The following PLEKHG4B variants were observed in gnomAD, a reference collection of about 807,000 sequenced individuals.
PLEKHG4B encodes pleckstrin homology domain-containing family G member 4B.
A neutral mutation model predicts 121.3 loss-of-function variants in PLEKHG4B; 111 were observed. The ratio of observed to expected loss-of-function variants is 0.92; its 90% CI spans 0.78 to 1.07. PLEKHG4B has a LOEUF of 1.07. PLEKHG4B is among the 50% of genes least tolerant of loss of function. The pLI, the probability that PLEKHG4B is intolerant of heterozygous loss-of-function variation, is 0.00. For missense variants in PLEKHG4B, 1,831 were observed against 1,757.8 expected (o/e 1.04, Z -0.74); for synonymous variants, 738 against 725.0 (o/e 1.02, Z -0.29).
intron 18 of PLEKHG4B, among the ~76,000 whole-genome samples, chr5:180,537 A>T (rs2126467078): frequency 6.6e-6 from 1 of 152,342 alleles, no homozygotes; most frequent in Middle Eastern, 3.4e-3. Flanking sequence ...TGAACGCCAC[A>T]TCTGCCCAGG....
intron 18 of PLEKHG4B, among the ~76,000 whole-genome samples, chr5:178,259 A>C (rs531307848): frequency 6.6e-6 from 1 of 152,342 alleles, no homozygotes; most frequent in East Asian, 1.9e-4. Flanking sequence ...ACTGGCTCCC[A>C]AGGTGCCACT....
chr5:101,949 T>C (rs1160913598), intron 1 of PLEKHG4B, among the ~76,000 whole-genome samples: 1 of 89,048 alleles, frequency 1.1e-5, no homozygotes, highest in Non-Finnish European at 2.1e-5. Flanking sequence ...GGGGAGAGAC[T>C]GTTGTGAGGT....
intron 1 of PLEKHG4B, among the ~76,000 whole-genome samples, chr5:99,791 TC>T (rs1473326285): frequency 2.0e-5 from 3 of 152,138 alleles, no homozygotes; most frequent in African/African-American, 7.2e-5. Flanking sequence ...AAAGCAGGCA[TC>T]CCTATTTTGT....
intron 1 of PLEKHG4B, among the ~76,000 whole-genome samples, chr5:100,451 C>T (rs71584266): frequency 3.0e-3 from 258 of 85,506 alleles, no homozygotes; most frequent in African/African-American, 6.3e-3. Context: ...CTGGAAAAAG[C>T]CTGTAGGGGA....
At chr5:162,603 G>A (rs1036812973) in intron 12 of PLEKHG4B, 119 bp from the exon 13 acceptor site, 27 of 726,766 alleles carry the variant, frequency 3.7e-5, no homozygotes, top group African/African-American at 1.1e-4. Flanking sequence ...ACTGCCTCTC[G>A]CTCTGCTTTC....
At chr5:120,388 A>G (rs1458490453) in intron 2 of PLEKHG4B, among the ~76,000 whole-genome samples, 1 of 152,220 alleles carries the variant, frequency 6.6e-6, no homozygotes, top group Non-Finnish European at 1.5e-5. Context: ...TTCTTATTCC[A>G]GACTCCCCCT....
chr5:174,133 CAG>C, intron 18 of PLEKHG4B, 35 bp downstream of exon 18: 1 of 1,448,146 alleles, frequency 6.9e-7, no homozygotes, highest in Non-Finnish European at 9.2e-7. Context: ...CTGCCAGGCT[CAG>C]GGGCACAGCT....
Position 171,024 on chromosome 5 carries a change from G to C in PLEKHG4B, c.3730-19G>C. The C allele has an allele frequency of 6.3e-7, 1 of 1,599,314 alleles. No homozygotes were observed. Among genetic ancestry groups the C allele is most frequent in the Non-Finnish European group, 8.5e-7 (1 of 1,171,958 alleles). ...GGCCTGTCACTCCCACAGCCAAGCA[G>C]TCGCCTCTGCTTTTCCAGGAAGAGC... On this transcript the variant is annotated intron_variant, in intron 14 of 19. Transcript: ENST00000637938.
rs367580344 is a variant in PLEKHG4B at position 169,442 on chromosome 5, A to C, written c.3579A>C (p.Arg1193Ser). 2 of 1,614,100 alleles carry C rather than the reference A, an allele frequency of 1.2e-6. No individual in the cohort carries two copies. Among genetic ancestry groups the C allele is most frequent in the Admixed American group, 1.7e-5 (1 of 60,006 alleles). ...VIDNYFPEME[R>S]MDLPQGLRGK... ...ACAACTATTTTCCAGAAATGGAAAG[A>C]ATGGACTTGCCCCAGGGCCTTCGAG... Residue 1193 changes from arginine (R) to serine (S), a missense_variant, in exon 14 of 20, where the codon AGA becomes AGC. Physicochemically the swap from Arg to Ser is moderately radical, Grantham distance 110 (BLOSUM62 -1). Coordinates refer to ENST00000637938, the MANE Select transcript of PLEKHG4B (RefSeq NM_052909.5).
At chr5:154,589 C>T (rs1278705945) in intron 7 of PLEKHG4B, among the ~76,000 whole-genome samples, 2 of 150,740 alleles carry the variant, frequency 1.3e-5, no homozygotes, top group East Asian at 3.9e-4. Flanking sequence ...AGGAGAAGAG[C>T]CTTGACTCAT....
At chr5:94,853 G>T (rs1391623492) in intron 1 of PLEKHG4B, among the ~76,000 whole-genome samples, 1 of 152,114 alleles carries the variant, frequency 6.6e-6, no homozygotes, top group East Asian at 1.9e-4. Flanking sequence ...GCCTCTCTGA[G>T]CTTCAGTCTG....
chr5:182,456 G>A lies in PLEKHG4B; in HGVS notation c.*133G>A. 2 of 814,116 alleles carry A rather than the reference G, an allele frequency of 2.5e-6. No homozygotes were observed. The highest frequency in any genetic ancestry group is 3.8e-6 in the Non-Finnish European group (2 of 533,266). 50.4% of individuals were successfully genotyped at this position (814,116 alleles called of 1,614,324 possible). A position where few individuals can be genotyped will look rare whatever the true frequency, so the allele number is the denominator to read the frequency against. On this transcript the variant is annotated 3_prime_UTR_variant, in exon 20 of 20. Transcript: ENST00000637938. Reference sequence around the variant, plus strand: ...CGATCCAGAGGGAATAGCACAGCAGGTGTCCAGGTATTTCCCAGGATTTTA... The same window carrying A: ...CGATCCAGAGGGAATAGCACAGCAGATGTCCAGGTATTTCCCAGGATTTTA...
chr5:147,783 A>T (rs1735467075), intron 6 of PLEKHG4B, among the ~76,000 whole-genome samples: 1 of 152,220 alleles, frequency 6.6e-6, no homozygotes, highest in Non-Finnish European at 1.5e-5. Flanking sequence ...AAAGACACTA[A>T]AAGTAAAGAA....
In PLEKHG4B at chr5:113,376, C is replaced by T. The variant is rs143497803; in HGVS notation, c.171C>T (p.Asp57=). 7.4e-3 allele frequency: 2,934 copies of T among 399,104 alleles called. 88 individuals are homozygous for T. The highest frequency in any genetic ancestry group is 0.054 in the African/African-American group (2,649 of 48,718). 24.7% of individuals were successfully genotyped at this position (399,104 alleles called of 1,614,324 possible). A position where few individuals can be genotyped will look rare whatever the true frequency, so the allele number is the denominator to read the frequency against. ...FSVAERCHGG[D]GLHCLTSFLL... is the part of the protein sequence containing the mutation. ...TGGCCGAGAGGTGCCACGGTGGGGA[C>T]GGGCTGCACTGCCTCACCAGCTTCC... The change falls in exon 2 of 20, where the codon GAC becomes GAT. Residue 57 remains aspartate (D), a synonymous_variant. Transcript: ENST00000637938. This position sits in a 1 kb window ranked among gnomAD's most constrained non-coding sequence, Gnocchi z 5.2.
At chr5:100,360 CT>C in intron 1 of PLEKHG4B, among the ~76,000 whole-genome samples, 1 of 151,804 alleles carries the variant, frequency 6.6e-6, no homozygotes, top group Non-Finnish European at 1.5e-5. Flanking sequence ...AGGGGAAAGA[CT>C]GTTGTGAGGT....
Position 156,621 on chromosome 5 carries a change from G to A in PLEKHG4B, c.2349-152G>A. 9.2e-7 allele frequency: 1 copy of A among 1,086,570 alleles called. No homozygotes were observed. The highest frequency in any genetic ancestry group is 1.3e-6 in the Non-Finnish European group (1 of 770,814). The allele number at this position is 1,086,570 out of a possible 1,614,324, so 67.3% of individuals were successfully genotyped here. On this transcript the variant is annotated intron_variant, in intron 10 of 19. Transcript: ENST00000637938. This position sits in a 1 kb window ranked among gnomAD's most constrained non-coding sequence, Gnocchi z 4.4. ...GGCAGAACGCATGGAGCACATCTGT[G>A]CCCCGCCTCGGTTGTGGGCCTCCTC... is the stretch of plus-strand genomic sequence containing the variant.
chr5:101,403 C>T (rs373508111), intron 1 of PLEKHG4B, among the ~76,000 whole-genome samples: 149 of 83,686 alleles, frequency 1.8e-3, no homozygotes, highest in Middle Eastern at 0.01. Flanking sequence ...CTGGAAAAAG[C>T]CTGTAGGGGA....
intron 2 of PLEKHG4B, among the ~76,000 whole-genome samples, chr5:134,428 A>G (rs1734886544): frequency 6.6e-6 from 1 of 152,108 alleles, no homozygotes; most frequent in Non-Finnish European, 1.5e-5. Context: ...GAAATTATTC[A>G]TGTAACTAAA....
chr5:158,557 C>T (rs1207761126), intron 11 of PLEKHG4B, among the ~76,000 whole-genome samples: 1 of 151,072 alleles, frequency 6.6e-6, no homozygotes, highest in Non-Finnish European at 1.5e-5. Context: ...TCTCCCCCTC[C>T]TCCCTCTGCC....
Sources: gnomAD v4.1 joint callset for allele counts (sites outside exome capture counted in the v4.1 genomes callset) on GRCh38, gnomAD v4.1.1 for gene constraint, Gnocchi (gnomAD v3.1) non-coding constraint, MANE v1.5 for transcripts, NCBI Gene and HGNC (gene_info 2026-07-23, HGNC 2026-07-21) for gene names.